The following DISC1 variants were observed in gnomAD, a reference collection of about 807,000 sequenced individuals.
DISC1 encodes the protein disrupted in schizophrenia 1 protein.
DISC1 carries 57 observed loss-of-function variants against 84.5 expected under a neutral mutation model. The ratio of observed to expected loss-of-function variants is 0.67; its 90% CI spans 0.55 to 0.84. DISC1 has a LOEUF of 0.84. Ranked by LOEUF, DISC1 falls within the 40% of genes least tolerant of loss-of-function variation. The pLI is 0.00. For synonymous variants in DISC1, 411 were observed against 415.2 expected, an observed-to-expected ratio of 0.99 and a Z score of 0.12; for missense variants, 1,000 against 1,057.8, an observed-to-expected ratio of 0.95 and a Z score of 0.76.
chr1:231,709,148 A>T (rs115253110), intron 3 of DISC1, among the ~76,000 whole-genome samples: 153 of 152,316 alleles, frequency 1.0e-3, no homozygotes, highest in African/African-American at 3.6e-3. Context: ...ACAATTCTGT[A>T]AGTTAAAGGT....
intron 9 of DISC1, among the ~76,000 whole-genome samples, chr1:231,957,481 G>A (rs1365547579): frequency 6.6e-6 from 1 of 152,128 alleles, no homozygotes; most frequent in Non-Finnish European, 1.5e-5. Flanking sequence ...CACTACAGAA[G>A]CAGGAATCTT....
At chr1:231,642,484 T>A (rs1043993986) in intron 1 of DISC1, among the ~76,000 whole-genome samples, 2 of 152,242 alleles carry the variant, frequency 1.3e-5, no homozygotes, top group African/African-American at 4.8e-5. Context: ...GTATCTCTAG[T>A]GCTGCTGGCG....
At chr1:231,933,980 T>C (rs2090829116) in intron 9 of DISC1, among the ~76,000 whole-genome samples, 1 of 152,174 alleles carries the variant, frequency 6.6e-6, no homozygotes, top group Non-Finnish European at 1.5e-5. Context: ...AAATTATTGT[T>C]GTGAACATAG....
intron 9 of DISC1, among the ~76,000 whole-genome samples, chr1:231,853,440 A>G (rs1034668789): frequency 6.6e-6 from 1 of 152,202 alleles, no homozygotes; most frequent in African/African-American, 2.4e-5. Context: ...TGTCCTGAAT[A>G]CTGTAGGCAA....
intron 1 of DISC1, among the ~76,000 whole-genome samples, chr1:231,628,102 T>A (rs1373375085): frequency 3.3e-5 from 5 of 152,220 alleles, no homozygotes; most frequent in African/African-American, 4.8e-5. Flanking sequence ...TTGGGAGTAA[T>A]GTGAGAATAC....
chr1:231,694,679 C>T lies in DISC1; in HGVS notation c.921C>T (p.Pro307=). Residue 307 remains proline (P), a synonymous_variant, in exon 2 of 13, where the codon CCC becomes CCT. Transcript: ENST00000439617. ...CTGGCTCCTCCAGTTCTCTGGATCCCTCACTGGCTGGCTGTGGTGGTGATG... is the reference window on the plus strand; with the variant it reads ...CTGGCTCCTCCAGTTCTCTGGATCCTTCACTGGCTGGCTGTGGTGGTGATG... ...MDPGSSSSLD[P]SLAGCGGDGS... 6.2e-7 allele frequency: 1 copy of T among 1,614,248 alleles called. No individual in the cohort carries two copies. Among genetic ancestry groups the T allele is most frequent in the Non-Finnish European group, 8.5e-7 (1 of 1,180,048 alleles).
rs978858604 is a variant in DISC1, at chr1:231,959,570, A to T, written c.2042+682A>T. On this transcript the variant is annotated intron_variant, in intron 10 of 12. Transcript: ENST00000439617. ...CTATTATTTTGGAATTTGTTAAGTA[A>T]CTCTTTAGATAGGCTATGCCTTAAG... The T allele has an allele frequency of 6.7e-6, 6 of 893,016 alleles. No individual in the cohort carries two copies. The South Asian group carries it at 1.5e-4, about 23-fold the overall frequency. The allele number at this position is 893,016 out of a possible 1,614,324, so 55.3% of individuals were successfully genotyped here.
At chr1:231,697,606 ATTTTTTT>A (rs113034860) in intron 2 of DISC1, among the ~76,000 whole-genome samples, 7 of 127,964 alleles carry the variant, frequency 5.5e-5, no homozygotes, top group South Asian at 5.1e-4. Context: ...TGCCTGGCTA[ATTTTTTT>A]TTTTTTTTTT....
intron 3 of DISC1, among the ~76,000 whole-genome samples, chr1:231,708,283 A>G (rs754707255): frequency 6.6e-6 from 1 of 152,174 alleles, no homozygotes; most frequent in Non-Finnish European, 1.5e-5. Context: ...CCCAGAGAAA[A>G]CAAATGTAGA....
chr1:231,694,777 G>A lies in DISC1; in HGVS notation c.1019G>A (p.Cys340Tyr). The A allele has an allele frequency of 6.2e-7, 1 of 1,613,894 alleles. No homozygotes were observed. Among genetic ancestry groups the A allele is most frequent in the East Asian group, 2.2e-5 (1 of 44,866 alleles). ...AAATGGGAGCCAGTGCTGCGGGACTGCCTGCTGAGAAACCGGAGGCAGATG... is the reference window on the plus strand; with the variant it reads ...AAATGGGAGCCAGTGCTGCGGGACTACCTGCTGAGAAACCGGAGGCAGATG... ...LRKWEPVLRD[C>Y]LLRNRRQMEV... The change falls in exon 2 of 13, where the codon TGC becomes TAC. Residue 340 changes from cysteine (C) to tyrosine (Y), a missense_variant. Cys to Tyr is a radical substitution (Grantham distance 194). Coordinates refer to ENST00000439617, the MANE Select transcript of DISC1 (RefSeq NM_018662.3).
intron 9 of DISC1, among the ~76,000 whole-genome samples, chr1:231,887,488 A>G (rs1274479586): frequency 1.3e-5 from 2 of 152,214 alleles, no homozygotes; most frequent in East Asian, 1.9e-4. Context: ...CCATTCATGT[A>G]AAGAGTTCCT....
At chr1:231,924,282 GCCCTTTGTGGC>G (rs1267820166) in intron 9 of DISC1, among the ~76,000 whole-genome samples, 2 of 152,182 alleles carry the variant, frequency 1.3e-5, no homozygotes, top group Non-Finnish European at 2.9e-5. Flanking sequence ...TTGCTCCTGG[GCCCTTTGTGGC>G]CGAGCACGAA....
chr1:231,822,142 C>T (rs2081545189), intron 9 of DISC1, among the ~76,000 whole-genome samples: 1 of 152,000 alleles, frequency 6.6e-6, no homozygotes, highest in Non-Finnish European at 1.5e-5. Context: ...TAAAGGAAAC[C>T]GACGTCAAGG....
chr1:231,709,267 C>T (rs573032285), intron 3 of DISC1, among the ~76,000 whole-genome samples: 2 of 152,248 alleles, frequency 1.3e-5, no homozygotes, highest in East Asian at 1.9e-4. Context: ...TCAAGTGCCA[C>T]CTACTTGAGA....
At chr1:231,956,662 A>G (rs1030300541) in intron 9 of DISC1, among the ~76,000 whole-genome samples, 1 of 152,166 alleles carries the variant, frequency 6.6e-6, no homozygotes, top group Non-Finnish European at 1.5e-5. Context: ...TAACATCACC[A>G]TTAATTATGT....
rs1339879554 is a variant in DISC1 at position 231,744,046 on chromosome 1, GA to G, written c.1118-5875del. 2.6e-5 allele frequency among the ~76,000 whole-genome samples: 4 copies of G among 152,264 alleles called. No individual in the cohort carries two copies. The East Asian group carries it at 7.7e-4, about 29-fold the overall frequency. ...TTTTGTTCAAAATGACAAGCTTGTT[GA>G]AAAATGTGTTTTAATTTAGACTTGA... is the stretch of plus-strand genomic sequence containing the variant. On this transcript the variant is annotated intron_variant, in intron 3 of 12. Transcript: ENST00000439617.
intron 3 of DISC1, among the ~76,000 whole-genome samples, chr1:231,706,979 A>G (rs2067166605): frequency 6.6e-6 from 1 of 152,214 alleles, no homozygotes; most frequent in African/African-American, 2.4e-5. Flanking sequence ...CCTGGCAGTT[A>G]GAACCAGAAT....
chr1:232,022,272 C>A (rs922788582), intron 11 of DISC1, among the ~76,000 whole-genome samples: 1 of 151,472 alleles, frequency 6.6e-6, no homozygotes, highest in African/African-American at 2.4e-5. Flanking sequence ...GACTAAGAGG[C>A]AGGACCTGGG....
intron 1 of DISC1, among the ~76,000 whole-genome samples, chr1:231,662,918 T>TA (rs2061679041): frequency 6.6e-6 from 1 of 151,944 alleles, no homozygotes; most frequent in Admixed American, 6.6e-5. Context: ...CTGTAAGATA[T>TA]AAAGGAGGCA....
Sources: allele counts gnomAD v4.1 joint callset (sites outside exome capture counted in the v4.1 genomes callset), GRCh38; gene constraint gnomAD v4.1.1; transcripts MANE v1.5; gene names NCBI Gene and HGNC (gene_info 2026-07-23, HGNC 2026-07-21).